The following JAKMIP1 variants were observed in gnomAD, a reference collection of about 807,000 sequenced individuals.
JAKMIP1 encodes janus kinase and microtubule-interacting protein 1.
JAKMIP1 carries 33 observed loss-of-function variants against 113.0 expected under a neutral mutation model. The ratio of observed to expected loss-of-function variants is 0.29; its 90% CI spans 0.22 to 0.39. JAKMIP1 has a LOEUF of 0.39. JAKMIP1 is among the 10% of genes least tolerant of loss of function. The pLI is 1.00. For missense variants in JAKMIP1, 813 were observed against 1,080.5 expected (o/e 0.75, Z 3.47); for synonymous variants, 480 against 459.9 (o/e 1.04, Z -0.56).
chr4:6,065,059 T>A lies in JAKMIP1; in HGVS notation c.1303-51A>T, dbSNP rs79704107. 12,032 of 1,610,680 alleles carry A rather than the reference T, an allele frequency of 7.5e-3. 65 individuals are homozygous for A. Among genetic ancestry groups the A allele is most frequent in the Middle Eastern group, 0.012 (73 of 6,054 alleles). On this transcript the variant is annotated intron_variant, in intron 8 of 20. Coordinates refer to ENST00000409021, the MANE Select transcript of JAKMIP1 (RefSeq NM_001099433.2). The surrounding 1 kb of genome is among the most constrained non-coding windows in gnomAD (Gnocchi z 5.1). ...TAGCAACGACTGAGGATTGCCAGAG[T>A]CTACCAGTCCCTGGTCGTGGGCATG...
chr4:6,080,812 G>A lies in JAKMIP1; in HGVS notation c.1102-500C>T, dbSNP rs1421034531. On this transcript the variant is annotated intron_variant, in intron 6 of 20. Transcript: ENST00000409021. The surrounding 1 kb of genome is among the most constrained non-coding windows in gnomAD (Gnocchi z 6.0). ...CTAATACGTGGCCACCTTGTCCTGT[G>A]CTGGAAGAGGGGACAGGGCAGACCA... 6.6e-6 allele frequency among the ~76,000 whole-genome samples: 1 copy of A among 152,100 alleles called. No individual in the cohort carries two copies. Among genetic ancestry groups the A allele is most frequent in the Non-Finnish European group, 1.5e-5 (1 of 68,014 alleles).
At chr4:6,099,633 A>G (rs749139085) in intron 3 of JAKMIP1, among the ~76,000 whole-genome samples, 1 of 152,216 alleles carries the variant, frequency 6.6e-6, no homozygotes, top group African/African-American at 2.4e-5. Context: ...AGATCGTCTC[A>G]GACATTGACT....
Position 6,043,210 on chromosome 4 carries a change from GC to G in JAKMIP1, c.2029-984del, listed in dbSNP as rs376834649. On this transcript the variant is annotated intron_variant, in intron 16 of 20. Coordinates refer to ENST00000409021, the MANE Select transcript of JAKMIP1 (RefSeq NM_001099433.2). ...GGAGCGCCCTCTTTCCCGACCCCAG[GC>G]CCCGCTGTAGAGTGCTTTTCCTGCC... is the stretch of plus-strand genomic sequence containing the variant. 5.3e-5 allele frequency among the ~76,000 whole-genome samples: 8 copies of G among 152,026 alleles called. No individual in the cohort carries two copies. In the East Asian group the frequency reaches 1.6e-3, roughly 30 times the overall value.
At chr4:6,082,300 A>T (rs1720685407) in intron 5 of JAKMIP1, among the ~76,000 whole-genome samples, 1 of 151,852 alleles carries the variant, frequency 6.6e-6, no homozygotes, top group African/African-American at 2.4e-5. Flanking sequence ...TTAAGGTAAA[A>T]TATTCTGATG....
At chr4:6,060,390 T>A (rs6852114) in intron 11 of JAKMIP1, 34 bp downstream of exon 11, 290,329 of 1,523,670 alleles carry the variant, frequency 0.19, 36,433 homozygotes, top group African/African-American at 0.62. Context: ...ACAGAAAGGC[T>A]AAGATTCACA....
Position 6,185,453 on chromosome 4 carries a change from C to T in JAKMIP1, c.-148+14800G>A, listed in dbSNP as rs1437303333. 6.6e-6 allele frequency among the ~76,000 whole-genome samples: 1 copy of T among 152,146 alleles called. No homozygotes were observed. Among genetic ancestry groups the T allele is most frequent in the Non-Finnish European group, 1.5e-5 (1 of 68,028 alleles). On this transcript the variant is annotated intron_variant, in intron 1 of 20. Coordinates refer to ENST00000409021, the MANE Select transcript of JAKMIP1 (RefSeq NM_001099433.2). The surrounding 1 kb of genome is among the most constrained non-coding windows in gnomAD (Gnocchi z 5.3). ...ATGAGGTCAGGAGATCGAGACCATC[C>T]TGGCTAACACAGTGAAACCCCATCT...
chr4:6,032,652 C>T (rs1205778561), intron 19 of JAKMIP1, among the ~76,000 whole-genome samples: 1 of 129,140 alleles, frequency 7.7e-6, no homozygotes, highest in East Asian at 2.0e-4. Context: ...AATGTTAGAA[C>T]AACACAACAC....
intron 1 of JAKMIP1, among the ~76,000 whole-genome samples, chr4:6,175,656 C>T (rs1234716757): frequency 6.6e-6 from 1 of 152,210 alleles, no homozygotes. Context: ...TCCCACCTAC[C>T]CAGCTCCACC....
intron 1 of JAKMIP1, among the ~76,000 whole-genome samples, chr4:6,124,454 G>GA (rs1180116406): frequency 3.3e-5 from 5 of 152,158 alleles, no homozygotes; most frequent in Non-Finnish European, 7.4e-5. Flanking sequence ...CAGCCACCAA[G>GA]AACTGTCCTC....
At position 6,086,715 on chromosome 4, in the gene JAKMIP1, C is replaced by A. The variant is rs965438595; in HGVS notation, c.625-1086G>T. On this transcript the variant is annotated intron_variant, in intron 3 of 20. Coordinates refer to ENST00000409021, the MANE Select transcript of JAKMIP1 (RefSeq NM_001099433.2). This position sits in a 1 kb window ranked among gnomAD's most constrained non-coding sequence, Gnocchi z 4.1. ...GCCTTCCTGGAACTTCAGAATGGGA[C>A]CTTATTTGGAAAGAGGGTAACTGCA... 3.3e-5 allele frequency among the ~76,000 whole-genome samples: 5 copies of A among 151,952 alleles called. No homozygotes were observed. Among genetic ancestry groups the A allele is most frequent in the Non-Finnish European group, 7.4e-5 (5 of 68,006 alleles).
chr4:6,134,376 G>A (rs1355600369), intron 1 of JAKMIP1, among the ~76,000 whole-genome samples: 1 of 152,128 alleles, frequency 6.6e-6, no homozygotes, highest in African/African-American at 2.4e-5. Context: ...CAGACCTTTT[G>A]GGGTTTCTTT....
At chr4:6,170,846 A>G (rs1724520508) in intron 1 of JAKMIP1, among the ~76,000 whole-genome samples, 1 of 143,534 alleles carries the variant, frequency 7.0e-6, no homozygotes. Flanking sequence ...CACCACCACC[A>G]TCCCCATCAC....
chr4:6,110,647 C>T (rs553202458), intron 2 of JAKMIP1, among the ~76,000 whole-genome samples: 1 of 143,826 alleles, frequency 7.0e-6, no homozygotes, highest in South Asian at 2.9e-4. Flanking sequence ...ACAGGCAGCA[C>T]CCAGGCCCTG....
rs748860696 is a variant in JAKMIP1, at chr4:6,062,425, C to T, written c.1447G>A (p.Glu483Lys). Reference protein sequence around the residue: ...EDLDDATAREEADLRFCQLTR... With the variant: ...EDLDDATAREKADLRFCQLTR... The stretch of plus-strand genomic sequence containing the variant: ...AGCTGGCAGAAGCGCAGGTCAGCCT[C>T]CTCTCGGGCTGTGGCCTTCACATAA... The change falls in exon 10 of 21, where the codon GAG becomes AAG. Residue 483 changes from glutamate to lysine, a missense_variant. Coordinates refer to ENST00000409021, the MANE Select transcript of JAKMIP1 (RefSeq NM_001099433.2). The T allele has an allele frequency of 1.2e-6, 2 of 1,613,452 alleles. No homozygotes were observed. Among genetic ancestry groups the T allele is most frequent in the Non-Finnish European group, 1.7e-6 (2 of 1,179,610 alleles).
chr4:6,051,536 G>A lies in JAKMIP1; in HGVS notation c.1807-857C>T, dbSNP rs1164796234. On this transcript the variant is annotated intron_variant, in intron 13 of 20. Transcript: ENST00000409021. The surrounding 1 kb of genome is among the most constrained non-coding windows in gnomAD (Gnocchi z 5.0). ...ATTACAGGCGTAAGCCACCTCGCCC[G>A]GCCCCAAAGGCTGACTTTCTGTTCT... 2.0e-5 allele frequency among the ~76,000 whole-genome samples: 3 copies of A among 152,154 alleles called. No individual in the cohort carries two copies. Among genetic ancestry groups the A allele is most frequent in the African/African-American group, 4.8e-5 (2 of 41,438 alleles).
Position 6,181,818 on chromosome 4 carries a change from C to T in JAKMIP1, c.-148+18435G>A, listed in dbSNP as rs746201696. ...CCTTCCCTCACAGAGCTCTAGCCAG[C>T]GGGGAAGAAGACTGTGAATGGCATC... On this transcript the variant is annotated intron_variant, in intron 1 of 20. Coordinates refer to ENST00000409021, the MANE Select transcript of JAKMIP1 (RefSeq NM_001099433.2). This position sits in a 1 kb window ranked among gnomAD's most constrained non-coding sequence, Gnocchi z 5.4. Among the ~76,000 whole-genome samples, 4 of 152,072 alleles carry T rather than the reference C, an allele frequency of 2.6e-5. No individual in the cohort carries two copies. The highest frequency in any genetic ancestry group is 2.1e-4 in the South Asian group (1 of 4,818).
In JAKMIP1 at chr4:6,150,254, C is replaced by T. The variant is rs182293829; in HGVS notation, c.-147-37257G>A. On this transcript the variant is annotated intron_variant, in intron 1 of 20. Coordinates refer to ENST00000409021, the MANE Select transcript of JAKMIP1 (RefSeq NM_001099433.2). This position sits in a 1 kb window ranked among gnomAD's most constrained non-coding sequence, Gnocchi z 4.8. ...GGCTTATGTATATTAGCTCAGTAATCTTCATAATTCTTTGAAGGAGGTGCC... is the reference window on the plus strand; with the variant it reads ...GGCTTATGTATATTAGCTCAGTAATTTTCATAATTCTTTGAAGGAGGTGCC... The T allele has an allele frequency of 3.9e-5, 6 of 152,326 alleles. No individual in the cohort carries two copies. In the East Asian group the frequency reaches 7.7e-4, roughly 20 times the overall value. The allele number at this position is 152,326 out of a possible 1,614,324, so 9.4% of individuals were successfully genotyped here.
Position 6,116,856 on chromosome 4 carries a change from C to A in JAKMIP1, c.-147-3859G>T, listed in dbSNP as rs1715866790. On this transcript the variant is annotated intron_variant, in intron 1 of 20. Transcript: ENST00000409021. The surrounding 1 kb of genome is among the most constrained non-coding windows in gnomAD (Gnocchi z 5.1). ...AACAAGTCTACAGGGCACTGTGATA[C>A]ACAGCTATCAAATATCACCTGTCAC... is the stretch of plus-strand genomic sequence containing the variant. 6.6e-6 allele frequency among the ~76,000 whole-genome samples: 1 copy of A among 152,188 alleles called. No individual in the cohort carries two copies. The highest frequency in any genetic ancestry group is 1.5e-5 in the Non-Finnish European group (1 of 68,038).
In JAKMIP1 at chr4:6,060,341, C is replaced by T. The variant is rs1717086432; in HGVS notation, c.1644+83G>A. The stretch of plus-strand genomic sequence containing the variant: ...TGATCCAGCCCCACAGAATGTCCCC[C>T]TTGGCACAAGGGCGAGCCCCAGGGA... On this transcript the variant is annotated intron_variant, in intron 11 of 20. Transcript: ENST00000409021. The T allele has an allele frequency of 3.8e-6, 4 of 1,060,964 alleles. No individual in the cohort carries two copies. In the South Asian group the frequency reaches 3.8e-5, roughly 10 times the overall value. The allele number at this position is 1,060,964 out of a possible 1,614,324, so 65.7% of individuals were successfully genotyped here.
Sources: allele counts gnomAD v4.1 joint callset (sites outside exome capture counted in the v4.1 genomes callset), GRCh38; gene constraint gnomAD v4.1.1; non-coding constraint Gnocchi (gnomAD v3.1); transcripts MANE v1.5; gene names NCBI Gene and HGNC (gene_info 2026-07-23, HGNC 2026-07-21).